SUSD1: variants seen among roughly 807,000 people sequenced by gnomAD.
The protein encoded by SUSD1 is sushi domain containing 1, also known as sushi domain-containing protein 1.
In SUSD1, 65 loss-of-function variants were observed where a neutral mutation model predicts 86.9. The ratio of observed to expected loss-of-function variants is 0.75; its 90% confidence interval spans 0.61 to 0.92. The LOEUF is 0.92. Among genes scored for constraint, SUSD1 ranks in the 40% least tolerant of loss-of-function variants. The pLI, the probability that SUSD1 is intolerant of heterozygous loss-of-function variation, is 0.00. For synonymous variants in SUSD1, 346 were observed against 350.0 expected, an observed-to-expected ratio of 0.99 and a Z score of 0.13; for missense variants, 850 against 929.7, an observed-to-expected ratio of 0.91 and a Z score of 1.11.
At chr9:112,111,206 C>T (rs543105294) in intron 8 of SUSD1, among the ~76,000 whole-genome samples, 1 of 152,254 alleles carries the variant, frequency 6.6e-6, no homozygotes, top group Admixed American at 6.5e-5. Flanking sequence ...GTTGGCCAGG[C>T]TGGTCTGGAA....
At chr9:112,058,094 G>A (rs1828531618) in intron 14 of SUSD1, among the ~76,000 whole-genome samples, 1 of 152,180 alleles carries the variant, frequency 6.6e-6, no homozygotes. Context: ...CAGCCTGGCA[G>A]GGGCACAAGG....
intron 14 of SUSD1, among the ~76,000 whole-genome samples, chr9:112,053,340 C>A (rs1036380069): frequency 1.1e-4 from 16 of 151,640 alleles, no homozygotes; most frequent in Non-Finnish European, 1.8e-4. Context: ...CATGGTGAAA[C>A]CCCATCCCTA....
chr9:112,051,825 G>T (rs1034049603), intron 15 of SUSD1, among the ~76,000 whole-genome samples: 1 of 152,062 alleles, frequency 6.6e-6, no homozygotes, highest in Non-Finnish European at 1.5e-5. Context: ...TCTTGATAGG[G>T]ATTTTGTCTC....
intron 8 of SUSD1, chr9:112,104,738 T>C (rs1830766228): frequency 6.6e-6 from 1 of 151,976 alleles, no homozygotes; most frequent in South Asian, 2.1e-4. Context: ...CATTATCCAA[T>C]GAAAAGGAGG....
chr9:112,084,752 T>G (rs1022288556), intron 10 of SUSD1, among the ~76,000 whole-genome samples: 4 of 152,136 alleles, frequency 2.6e-5, no homozygotes, highest in Non-Finnish European at 5.9e-5. Context: ...CTCATACAAA[T>G]CTTCCTTCTC....
At chr9:112,127,976 A>G (rs1589694402) in intron 5 of SUSD1, among the ~76,000 whole-genome samples, 1 of 149,508 alleles carries the variant, frequency 6.7e-6, no homozygotes, top group Non-Finnish European at 1.5e-5. Flanking sequence ...CTAATTTTTC[A>G]GTTTTTTGTA....
Position 112,157,489 on chromosome 9 carries a change from T to C in SUSD1, c.217+11A>G. On this transcript the variant is annotated intron_variant, in intron 2 of 16. Coordinates refer to ENST00000374270, the MANE Select transcript of SUSD1 (RefSeq NM_022486.5). ...TCAGCTTTTCAACTTAACCCAGAGT[T>C]CAGAACTTACCAACACACTGAGTCC... 6.3e-7 allele frequency: 1 copy of C among 1,596,940 alleles called. No individual in the cohort carries two copies. The highest frequency in any genetic ancestry group is 8.6e-7 in the Non-Finnish European group (1 of 1,164,890).
intron 1 of SUSD1, among the ~76,000 whole-genome samples, chr9:112,157,990 A>T (rs899995748): frequency 6.8e-5 from 10 of 146,186 alleles, no homozygotes; most frequent in African/African-American, 2.3e-4. Flanking sequence ...CACCTGGCTA[A>T]TTTTTTTTTT....
chr9:112,133,411 C>G (rs955127320), intron 5 of SUSD1, among the ~76,000 whole-genome samples: 1 of 152,226 alleles, frequency 6.6e-6, no homozygotes, highest in Admixed American at 6.5e-5. Flanking sequence ...TGAAGCCACA[C>G]ACCTGATCAG....
chr9:112,162,440 T>A (rs10981291), intron 1 of SUSD1, among the ~76,000 whole-genome samples: 2 of 152,076 alleles, frequency 1.3e-5, no homozygotes, highest in African/African-American at 4.8e-5. Context: ...AGGAAGCCTG[T>A]AAGAATTTTT....
intron 5 of SUSD1, among the ~76,000 whole-genome samples, chr9:112,139,378 T>A (rs1180837498): frequency 6.6e-6 from 1 of 152,184 alleles, no homozygotes; most frequent in Admixed American, 6.6e-5. Flanking sequence ...AAAACCCAGA[T>A]TAATTCATTC....
intron 10 of SUSD1, among the ~76,000 whole-genome samples, chr9:112,087,734 T>C (rs1423744730): frequency 6.6e-6 from 1 of 152,102 alleles, no homozygotes; most frequent in Non-Finnish European, 1.5e-5. Context: ...AAGTGGAATA[T>C]AGGCAAAGAT....
At chr9:112,059,132 G>A (rs552770451) in intron 13 of SUSD1, among the ~76,000 whole-genome samples, 1 of 152,312 alleles carries the variant, frequency 6.6e-6, no homozygotes, top group Admixed American at 6.5e-5. Context: ...ACGACACTAG[G>A]CAAGAAAAAG....
chr9:112,072,501 G>A (rs935351204), intron 12 of SUSD1, among the ~76,000 whole-genome samples: 3 of 152,050 alleles, frequency 2.0e-5, no homozygotes, highest in Non-Finnish European at 4.4e-5. Context: ...AATTGTTACA[G>A]CTCAGCAAGC....
chr9:112,055,206 G>A (rs527301181), intron 14 of SUSD1, among the ~76,000 whole-genome samples: 2 of 152,114 alleles, frequency 1.3e-5, no homozygotes, highest in Non-Finnish European at 1.5e-5. Context: ...CAGGTGGATC[G>A]CTTGAGCCCA....
At position 112,110,938 on chromosome 9, in the gene SUSD1, C is replaced by G. The variant is rs911172049; in HGVS notation, c.1171+716G>C. Among the ~76,000 whole-genome samples, 50 of 152,150 alleles carry G rather than the reference C, an allele frequency of 3.3e-4. 2 individuals are homozygous for G. The highest frequency in any genetic ancestry group is 2.9e-5 in the Non-Finnish European group (2 of 68,026). On this transcript the variant is annotated intron_variant, in intron 8 of 16. Coordinates refer to ENST00000374270, the MANE Select transcript of SUSD1 (RefSeq NM_022486.5). ...GATCTCTTTAAAGCTGCTGGGTCAGCCTCCCTGGCACCTCCTCTTTCACAC... is the reference window on the plus strand; with the variant it reads ...GATCTCTTTAAAGCTGCTGGGTCAGGCTCCCTGGCACCTCCTCTTTCACAC...
At chr9:112,148,906 T>TAA (rs34699293) in intron 3 of SUSD1, among the ~76,000 whole-genome samples, 10 of 142,168 alleles carry the variant, frequency 7.0e-5, no homozygotes, top group Non-Finnish European at 1.2e-4. Flanking sequence ...ACCCCCCCCT[T>TAA]AAAAAAAAAA....
chr9:112,046,530 C>T (rs1827962526), intron 15 of SUSD1, among the ~76,000 whole-genome samples: 1 of 152,158 alleles, frequency 6.6e-6, no homozygotes, highest in African/African-American at 2.4e-5. Context: ...TTATCTTTAA[C>T]CCCTTCCCTG....
In SUSD1 at chr9:112,099,015, TTCTCTCTCTCTCTCTC is replaced by T. The variant is rs58040511; in HGVS notation, c.1282-369_1282-354del. Among the ~76,000 whole-genome samples, 1,257 of 145,870 alleles carry T rather than the reference TTCTCTCTCTCTCTCTC, an allele frequency of 8.6e-3. 11 individuals are homozygous for T. Among genetic ancestry groups the T allele is most frequent in the African/African-American group, 0.028 (1,102 of 38,986 alleles). ...TCCTCCTTCCCTTCTGAATACTTCG[TTCTCTCTCTCTCTCTC>T]TCTCTCTCTCTCTCTCTCTCTCTCT... On this transcript the variant is annotated intron_variant, in intron 9 of 16. Transcript: ENST00000374270.
Sources: gnomAD v4.1 joint callset for allele counts (sites outside exome capture counted in the v4.1 genomes callset) on GRCh38, gnomAD v4.1.1 for gene constraint, MANE v1.5 for transcripts, NCBI Gene and HGNC (gene_info 2026-07-23, HGNC 2026-07-21) for gene names.